Variants in CDH18 observed in about 807,000 individuals in gnomAD.
CDH18 encodes the protein cadherin 18.
CDH18 carries 31 observed loss-of-function variants against 67.9 expected under a neutral mutation model. The ratio of observed to expected loss-of-function variants is 0.46; its 90% CI spans 0.34 to 0.62. The LOEUF is 0.62. CDH18 is among the 20% of genes least tolerant of loss of function. The probability of loss-of-function intolerance (pLI) is 0.01; values close to 1 mark genes in which losing one functional copy is unlikely to be tolerated. For synonymous variants in CDH18, 362 were observed against 347.2 expected (o/e 1.04, Z -0.48); for missense variants, 890 against 975.5 (o/e 0.91, Z 1.17).
chr5:19,593,733 T>TTCTTCTTCTTCA (rs1360398507), intron 6 of CDH18, among the ~76,000 whole-genome samples: 5 of 142,926 alleles, frequency 3.5e-5, no homozygotes, highest in African/African-American at 1.3e-4. Flanking sequence ...CTTCTTCTTC[T>TTCTTCTTCTTCA]TCTTCTTCTT....
chr5:19,611,694 T>A (rs1748991509), intron 6 of CDH18, among the ~76,000 whole-genome samples: 1 of 152,148 alleles, frequency 6.6e-6, no homozygotes, highest in Non-Finnish European at 1.5e-5. Flanking sequence ...CTGTAGGATA[T>A]TTGTGATTAT....
At chr5:19,620,938 C>T (rs1750592688) in intron 5 of CDH18, among the ~76,000 whole-genome samples, 1 of 152,100 alleles carries the variant, frequency 6.6e-6, no homozygotes, top group African/African-American at 2.4e-5. Context: ...ATAACAGATG[C>T]TCCTTGACTT....
intron 5 of CDH18, among the ~76,000 whole-genome samples, chr5:19,685,312 T>C (rs746890036): frequency 6.6e-6 from 1 of 152,170 alleles, no homozygotes; most frequent in Non-Finnish European, 1.5e-5. Flanking sequence ...ACTAGACACC[T>C]TTCCTCTACT....
chr5:19,512,747 A>G (rs1745311410), intron 10 of CDH18, among the ~76,000 whole-genome samples: 1 of 152,076 alleles, frequency 6.6e-6, no homozygotes, highest in Non-Finnish European at 1.5e-5. Flanking sequence ...CTGATTAGGT[A>G]GGTTTTTATT....
At chr5:20,563,864 G>A (rs1030895781) in intron 1 of CDH18, among the ~76,000 whole-genome samples, 4 of 152,040 alleles carry the variant, frequency 2.6e-5, no homozygotes, top group Non-Finnish European at 4.4e-5. Flanking sequence ...ACAAAATGGC[G>A]CTCTGATCTT....
chr5:20,023,622 G>GC (rs1452786872), intron 2 of CDH18, among the ~76,000 whole-genome samples: 2 of 138,130 alleles, frequency 1.4e-5, no homozygotes, highest in Non-Finnish European at 3.0e-5. Context: ...TCGCGCCACT[G>GC]CACTCCAGCC....
chr5:19,825,219 G>A (rs1247080667), intron 3 of CDH18, among the ~76,000 whole-genome samples: 1 of 152,122 alleles, frequency 6.6e-6, no homozygotes, highest in African/African-American at 2.4e-5. Flanking sequence ...ATGGCAGGGT[G>A]GGTGACTCAA....
chr5:19,920,371 A>G (rs2150164285), intron 2 of CDH18, among the ~76,000 whole-genome samples: 1 of 152,224 alleles, frequency 6.6e-6, no homozygotes, highest in African/African-American at 2.4e-5. Flanking sequence ...TGAACAGACA[A>G]CAGTTTTGGC....
intron 1 of CDH18, among the ~76,000 whole-genome samples, chr5:20,365,340 A>C (rs1742421939): frequency 6.6e-6 from 1 of 152,126 alleles, no homozygotes; most frequent in African/African-American, 2.4e-5. Flanking sequence ...CTCATCTCCA[A>C]ATACCATCAC....
chr5:19,925,156 T>G (rs908426103), intron 2 of CDH18, among the ~76,000 whole-genome samples: 6 of 152,178 alleles, frequency 3.9e-5, no homozygotes, highest in African/African-American at 1.2e-4. Context: ...AGTACTTTCC[T>G]GCATTTATCG....
chr5:19,672,590 C>A (rs1758902286), intron 5 of CDH18, among the ~76,000 whole-genome samples: 1 of 151,940 alleles, frequency 6.6e-6, no homozygotes, highest in Non-Finnish European at 1.5e-5. Flanking sequence ...AAGGACCAAA[C>A]AACTTAGTAA....
rs553188977 is a variant in CDH18, at chr5:20,536,674, A to G, written c.-580+38788T>C. 7.4e-4 allele frequency among the ~76,000 whole-genome samples: 112 copies of G among 152,260 alleles called. 1 individual carries two copies. The highest frequency in any genetic ancestry group is 2.7e-3 in the African/African-American group (112 of 41,560). Reference sequence around the variant, plus strand: ...TATTATAATAGGCAACGATTTTCAGAAAAGGCTTTCAACTTAGAGAAAATA... The same window carrying G: ...TATTATAATAGGCAACGATTTTCAGGAAAGGCTTTCAACTTAGAGAAAATA... On this transcript the variant is annotated intron_variant, in intron 1 of 14. Coordinates refer to the CDH18 transcript ENST00000507958.
intron 2 of CDH18, among the ~76,000 whole-genome samples, chr5:20,187,088 T>A (rs1244226877): frequency 1.3e-5 from 2 of 151,788 alleles, no homozygotes; most frequent in African/African-American, 4.8e-5. Context: ...CTTAAAGTAG[T>A]CAAATTCAGA....
At chr5:20,247,346 A>G (rs2973201) in intron 2 of CDH18, among the ~76,000 whole-genome samples, 82,077 of 151,976 alleles carry the variant, frequency 0.54, 22,254 homozygotes, top group Middle Eastern at 0.66. Context: ...GGCAGGTTCA[A>G]CAGAGCAGGC....
chr5:19,812,025 C>T (rs1185450229), intron 3 of CDH18, among the ~76,000 whole-genome samples: 2 of 152,004 alleles, frequency 1.3e-5, no homozygotes, highest in African/African-American at 2.4e-5. Context: ...ATGATTTTAG[C>T]AATAAGGACC....
chr5:20,375,517 G>A (rs992793183), intron 1 of CDH18, among the ~76,000 whole-genome samples: 1 of 152,160 alleles, frequency 6.6e-6, no homozygotes, highest in African/African-American at 2.4e-5. Flanking sequence ...ACAAGCAACA[G>A]TTTATTAAAG....
At position 19,473,081 on chromosome 5, in the gene CDH18, A is replaced by G; in HGVS notation, c.*145T>C. On this transcript the variant is annotated 3_prime_UTR_variant, in exon 13 of 13. Coordinates refer to ENST00000382275, the MANE Select transcript of CDH18 (RefSeq NM_004934.5). ...CCAATTAAATAACCCAGTTTCGATC[A>G]TGAAAAGGGCACTTGTTTCTACAGG... 1.1e-6 allele frequency: 1 copy of G among 871,546 alleles called. No homozygotes were observed. The highest frequency in any genetic ancestry group is 1.7e-6 in the Non-Finnish European group (1 of 575,812). The allele number at this position is 871,546 out of a possible 1,614,324, so 54.0% of individuals were successfully genotyped here. A position where few individuals can be genotyped will look rare whatever the true frequency, so the allele number is the denominator to read the frequency against.
At chr5:20,536,957 G>A (rs7446014) in intron 1 of CDH18, among the ~76,000 whole-genome samples, 2 of 152,234 alleles carry the variant, frequency 1.3e-5, no homozygotes, top group African/African-American at 2.4e-5. Context: ...CACTGAATTA[G>A]CTAGGGCTGC....
chr5:19,496,338 T>C (rs1742322178), intron 11 of CDH18, among the ~76,000 whole-genome samples: 1 of 152,190 alleles, frequency 6.6e-6, no homozygotes, highest in Admixed American at 6.5e-5. Context: ...GAATACTCTC[T>C]TGGGAAACAT....
Sources: allele counts gnomAD v4.1 joint callset (sites outside exome capture counted in the v4.1 genomes callset), GRCh38; gene constraint gnomAD v4.1.1; transcripts MANE v1.5; gene names NCBI Gene and HGNC (gene_info 2026-07-23, HGNC 2026-07-21).